Variants in ANK2 observed in about 807,000 individuals in gnomAD.
The protein encoded by ANK2 is ankyrin-2.
A neutral mutation model predicts 360.5 loss-of-function variants in ANK2; 83 were observed. The observed-to-expected ratio is 0.23, with a 90% confidence interval of 0.19 to 0.28. The LOEUF (loss-of-function observed/expected upper bound fraction) is 0.28. Ranked by LOEUF, ANK2 falls within the 10% of genes least tolerant of loss-of-function variation. The pLI is 1.00. For synonymous variants in ANK2, 1,740 were observed against 1,759.5 expected, an observed-to-expected ratio of 0.99 and a Z score of 0.28; for missense variants, 4,201 against 4,795.7, an observed-to-expected ratio of 0.88 and a Z score of 3.66.
At chr4:113,377,960 C>T (rs1161487269) in intron 45 of ANK2, 1 of 278,680 alleles carries the variant, frequency 3.6e-6, no homozygotes, top group Non-Finnish European at 6.4e-6. Context: ...AAGTCTGCTT[C>T]TAGGAATTGT....
At chr4:113,341,990 A>G (rs1453363287) in intron 33 of ANK2, 74 bp downstream of exon 33, 3 of 1,282,834 alleles carry the variant, frequency 2.3e-6, no homozygotes, top group Non-Finnish European at 3.3e-6. Context: ...CATTTCAAAT[A>G]TCATTTAATA....
chr4:113,063,995 A>G (rs1459632678), intron 1 of ANK2, among the ~76,000 whole-genome samples: 5 of 152,152 alleles, frequency 3.3e-5, no homozygotes, highest in Non-Finnish European at 5.9e-5. Context: ...TCAAACTGAA[A>G]TTTGATTTTT....
chr4:112,850,359 A>AT (rs1168061848), intron 1 of ANK2, among the ~76,000 whole-genome samples: 55 of 141,220 alleles, frequency 3.9e-4, no homozygotes, highest in African/African-American at 1.3e-3. Context: ...CCATCCATCC[A>AT]CCCATTCATC....
chr4:112,932,363 G>T (rs1386614665), intron 2 of ANK2, among the ~76,000 whole-genome samples: 2 of 151,920 alleles, frequency 1.3e-5, no homozygotes, highest in Non-Finnish European at 2.9e-5. Flanking sequence ...GTGGTGGCGC[G>T]TGCCTGTAAT....
intron 1 of ANK2, among the ~76,000 whole-genome samples, chr4:112,873,540 C>CTTTTTTTTTTT (rs556434015): frequency 1.4e-5 from 2 of 139,894 alleles, no homozygotes; most frequent in Non-Finnish European, 1.6e-5. Context: ...CTTTTTCTTT[C>CTTTTTTTTTTT]TTTTTTTTTT....
chr4:113,365,982 C>T (rs892355787), intron 41 of ANK2, among the ~76,000 whole-genome samples: 4 of 152,194 alleles, frequency 2.6e-5, no homozygotes, highest in African/African-American at 9.7e-5. Flanking sequence ...ATCAGGGACT[C>T]CATTCCTGCA....
chr4:112,877,880 T>C (rs2075584081), intron 1 of ANK2, among the ~76,000 whole-genome samples: 1 of 152,212 alleles, frequency 6.6e-6, no homozygotes, highest in Non-Finnish European at 1.5e-5. Context: ...TCAGTTCTTA[T>C]ATTTATCTTT....
rs116455697 is a variant in ANK2 at position 113,101,965 on chromosome 4, G to A, written c.84+52153G>A. 1.0e-2 allele frequency among the ~76,000 whole-genome samples: 1,518 copies of A among 152,218 alleles called. 30 individuals are homozygous for A. Among genetic ancestry groups the A allele is most frequent in the African/African-American group, 0.035 (1,453 of 41,524 alleles). On this transcript the variant is annotated intron_variant, in intron 1 of 45. Coordinates refer to ENST00000357077, the MANE Select transcript of ANK2 (RefSeq NM_001148.6). ...GGACTGAAAGAAGGCCAGTGTCACC[G>A]GTGTATGGTGAGGATAGAGAAGCAA... is the stretch of plus-strand genomic sequence containing the variant.
At chr4:112,998,569 T>A (rs866512711) in intron 2 of ANK2, among the ~76,000 whole-genome samples, 9 of 152,208 alleles carry the variant, frequency 5.9e-5, no homozygotes, top group Non-Finnish European at 8.8e-5. Context: ...TGAAACATAC[T>A]CATTGATCAG....
chr4:113,048,248 GTATATATATATA>G (rs869196489), upstream of ANK2, among the ~76,000 whole-genome samples: 5 of 36,252 alleles, frequency 1.4e-4, 1 homozygote, highest in African/African-American at 1.7e-4. Flanking sequence ...CTACAAGTGT[GTATATATATATA>G]TATATATATA....
intron 2 of ANK2, among the ~76,000 whole-genome samples, chr4:113,189,527 A>T (rs2098614615): frequency 6.6e-6 from 1 of 152,176 alleles, no homozygotes. Context: ...CTATTTATTG[A>T]ATTTAAGCTA....
chr4:113,106,138 G>A (rs1251048551), intron 1 of ANK2, among the ~76,000 whole-genome samples: 1 of 152,124 alleles, frequency 6.6e-6, no homozygotes, highest in Non-Finnish European at 1.5e-5. Flanking sequence ...CTTCTGCAAA[G>A]CAGAAAAATA....
chr4:113,207,596 G>A (rs2098966939), intron 4 of ANK2, among the ~76,000 whole-genome samples: 1 of 147,188 alleles, frequency 6.8e-6, no homozygotes, highest in Non-Finnish European at 1.5e-5. Context: ...AAATCTAACA[G>A]CATTAATGTG....
At chr4:113,284,188 T>C (rs1335697161) in intron 18 of ANK2, among the ~76,000 whole-genome samples, 1 of 152,244 alleles carries the variant, frequency 6.6e-6, no homozygotes, top group Non-Finnish European at 1.5e-5. Context: ...GTGTATCAGA[T>C]GGACAATCAT....
At chr4:112,775,001 C>T in the ANK2 span, among the ~76,000 whole-genome samples, 1 of 152,184 alleles carries the variant, frequency 6.6e-6, no homozygotes, top group African/African-American at 2.4e-5. Context: ...TCAACACAGT[C>T]TCTCCACCAG....
At chr4:113,250,597 T>C (rs1031026689) in intron 10 of ANK2, among the ~76,000 whole-genome samples, 2 of 152,146 alleles carry the variant, frequency 1.3e-5, no homozygotes, top group African/African-American at 2.4e-5. Context: ...CAACCCTACA[T>C]TGGGTTATCA....
the ANK2 span, among the ~76,000 whole-genome samples, chr4:112,795,092 T>G: frequency 3.3e-5 from 5 of 152,234 alleles, no homozygotes; most frequent in African/African-American, 1.2e-4. Flanking sequence ...TGGATTCCTT[T>G]GGAGACTAAA....
intron 24 of ANK2, among the ~76,000 whole-genome samples, chr4:113,313,495 C>T (rs906849709): frequency 7.2e-5 from 11 of 152,128 alleles, no homozygotes; most frequent in African/African-American, 1.9e-4. Context: ...CTGTGTTCTC[C>T]AGGTCTCCAC....
intron 1 of ANK2, among the ~76,000 whole-genome samples, chr4:113,156,391 A>G (rs868463314): frequency 5.7e-5 from 2 of 35,372 alleles, no homozygotes; most frequent in Non-Finnish European, 1.2e-4. Flanking sequence ...TGTTTTTGAG[A>G]CAGAGTTTCA....
Sources: gnomAD v4.1 joint callset for allele counts (sites outside exome capture counted in the v4.1 genomes callset) on GRCh38, gnomAD v4.1.1 for gene constraint, MANE v1.5 for transcripts, NCBI Gene and HGNC (gene_info 2026-07-23, HGNC 2026-07-21) for gene names.